Variants in C10orf90 observed in about 807,000 individuals in gnomAD.
C10orf90 encodes (E2-independent) E3 ubiquitin-conjugating enzyme FATS.
A neutral mutation model predicts 62.5 loss-of-function variants in C10orf90; 56 were observed. That is an observed-to-expected ratio of 0.90 (90% CI 0.72 to 1.12). The LOEUF (loss-of-function observed/expected upper bound fraction) is 1.12, where lower values mean the gene tolerates loss of function less well. C10orf90 is among the 50% of genes most tolerant of loss of function. C10orf90 has a pLI of 0.00. For synonymous variants in C10orf90, 386 were observed against 340.4 expected (o/e 1.13, Z -1.47); for missense variants, 970 against 880.4 (o/e 1.10, Z -1.29).
At position 126,547,425 on chromosome 10, in the gene C10orf90, A is replaced by T. The variant is rs574384680; in HGVS notation, c.314-33486T>A. 5.8e-3 allele frequency among the ~76,000 whole-genome samples: 885 copies of T among 151,382 alleles called. 6 individuals are homozygous for T. The highest frequency in any genetic ancestry group is 0.021 in the African/African-American group (852 of 41,224). On this transcript the variant is annotated intron_variant, in intron 2 of 9. Transcript: ENST00000488181. ...CAGAGCAAGACTGTCAAAAAAAAAAAAAATAAAATAAAGAGAAAGAAAGAA... is the reference window on the plus strand; with the variant it reads ...CAGAGCAAGACTGTCAAAAAAAAAATAAATAAAATAAAGAGAAAGAAAGAA...
chr10:126,572,284 G>A (rs192837359), intron 2 of C10orf90, among the ~76,000 whole-genome samples: 6 of 152,244 alleles, frequency 3.9e-5, no homozygotes, highest in African/African-American at 7.2e-5. Flanking sequence ...TACAGGAAAC[G>A]GGTCCTGATC....
chr10:126,471,996 G>A lies in C10orf90; in HGVS notation c.1535-7010C>T, dbSNP rs114408450. Among the ~76,000 whole-genome samples, 561 of 152,184 alleles carry A rather than the reference G, an allele frequency of 3.7e-3. 5 individuals are homozygous for A. Among genetic ancestry groups the A allele is most frequent in the African/African-American group, 0.013 (526 of 41,524 alleles). On this transcript the variant is annotated intron_variant, in intron 4 of 9. Transcript: ENST00000488181. ...AACAAGATTACTTCGACTACATTGCGAACATGATCAACAGAAACAAGTTTC... is the reference window on the plus strand; with the variant it reads ...AACAAGATTACTTCGACTACATTGCAAACATGATCAACAGAAACAAGTTTC...
chr10:126,471,942 C>G (rs75117984), intron 4 of C10orf90, among the ~76,000 whole-genome samples: 1 of 151,752 alleles, frequency 6.6e-6, no homozygotes, highest in Admixed American at 6.6e-5. Context: ...CACACACACA[C>G]GTGCACACAC....
intron 8 of C10orf90, among the ~76,000 whole-genome samples, chr10:126,429,319 C>T (rs896098499): frequency 3.3e-5 from 5 of 152,152 alleles, no homozygotes; most frequent in Admixed American, 1.3e-4. Flanking sequence ...ACCTAGCTCA[C>T]GGCCCCACTG....
At chr10:126,612,288 T>C (rs1010344114) in intron 2 of C10orf90, among the ~76,000 whole-genome samples, 1 of 152,022 alleles carries the variant, frequency 6.6e-6, no homozygotes. Context: ...ACCACCACAC[T>C]CCAGCCTGGG....
At chr10:126,455,105 C>T (rs1007233969) in intron 7 of C10orf90, among the ~76,000 whole-genome samples, 1 of 152,110 alleles carries the variant, frequency 6.6e-6, no homozygotes, top group Non-Finnish European at 1.5e-5. Flanking sequence ...TGCCCAGGCC[C>T]CACCCTCATC....
chr10:126,610,276 T>A (rs944083071), intron 2 of C10orf90, among the ~76,000 whole-genome samples: 31 of 152,294 alleles, frequency 2.0e-4, no homozygotes, highest in Admixed American at 3.9e-4. Context: ...GTGGGCCCTT[T>A]ATGGGCTGGC....
rs1859790339 is a variant in C10orf90 at position 126,459,234 on chromosome 10, A to C, written c.2011-17T>G. 6.2e-7 allele frequency: 1 copy of C among 1,612,690 alleles called. No homozygotes were observed. The highest frequency in any genetic ancestry group is 8.5e-7 in the Non-Finnish European group (1 of 1,180,008). On this transcript the variant is annotated splice_polypyrimidine_tract_variant and intron_variant, in intron 6 of 9. Transcript: ENST00000488181. ...CAGTGCTTCCTATGCAAAGCAAAGA[A>C]AATACGTCATTTTTAAGAGCAGTGA...
chr10:126,648,070 C>G (rs779590812), intron 1 of C10orf90, among the ~76,000 whole-genome samples: 22 of 152,152 alleles, frequency 1.4e-4, no homozygotes, highest in Non-Finnish European at 2.8e-4. Flanking sequence ...GTGTTTAAGT[C>G]ATGAGGACTC....
intron 2 of C10orf90, among the ~76,000 whole-genome samples, chr10:126,546,919 G>T (rs906926097): frequency 6.6e-6 from 1 of 152,140 alleles, no homozygotes; most frequent in Non-Finnish European, 1.5e-5. Context: ...AACGTCAGGA[G>T]TTCCAGTCCA....
intron 4 of C10orf90, among the ~76,000 whole-genome samples, chr10:126,492,924 T>C (rs553781902): frequency 6.6e-6 from 1 of 152,304 alleles, no homozygotes; most frequent in Admixed American, 6.5e-5. Flanking sequence ...CATAAAATGC[T>C]CACATTTTTC....
At chr10:126,469,394 A>G (rs1223039994) in intron 4 of C10orf90, among the ~76,000 whole-genome samples, 2 of 152,044 alleles carry the variant, frequency 1.3e-5, no homozygotes, top group African/African-American at 4.8e-5. Flanking sequence ...ACTTCAACCA[A>G]CCACTCAACC....
chr10:126,605,998 CA>C (rs1219705665), intron 2 of C10orf90, among the ~76,000 whole-genome samples: 1 of 152,052 alleles, frequency 6.6e-6, no homozygotes, highest in East Asian at 1.9e-4. Context: ...TGAAGGAGAC[CA>C]CTTTTGAGAT....
rs540251388 is a variant in C10orf90 at position 126,437,379 on chromosome 10, A to AT, written c.2189-7530dup. Among the ~76,000 whole-genome samples the AT allele has an allele frequency of 6.7e-3, 1,020 of 152,304 alleles. 4 individuals carry two copies. The highest frequency in any genetic ancestry group is 0.011 in the Non-Finnish European group (763 of 68,036). On this transcript the variant is annotated intron_variant, in intron 7 of 9. Coordinates refer to ENST00000488181, the MANE Select transcript of C10orf90 (RefSeq NM_001350921.2). ...TTACAAATGCAAATACTCAGTTCCTATACCAGGTCATCGAAATCAGAAATT... is the reference window on the plus strand; with the variant it reads ...TTACAAATGCAAATACTCAGTTCCTATTACCAGGTCATCGAAATCAGAAATT...
At chr10:126,668,088 C>T (rs1469023822) in intron 1 of C10orf90, among the ~76,000 whole-genome samples, 1 of 152,110 alleles carries the variant, frequency 6.6e-6, no homozygotes, top group Non-Finnish European at 1.5e-5. Flanking sequence ...ATTAAGACAG[C>T]TCAGGACTAA....
At chr10:126,553,251 A>G (rs1461131531) in intron 2 of C10orf90, among the ~76,000 whole-genome samples, 1 of 152,218 alleles carries the variant, frequency 6.6e-6, no homozygotes, top group Non-Finnish European at 1.5e-5. Context: ...AAGGATATTT[A>G]CAATACGTAT....
rs111301697 is a variant in C10orf90, at chr10:126,557,287, C to T, written c.314-43348G>A. Among the ~76,000 whole-genome samples the T allele has an allele frequency of 2.2e-4, 34 of 152,082 alleles. 1 individual carries two copies. Among genetic ancestry groups the T allele is most frequent in the African/African-American group, 7.7e-4 (32 of 41,498 alleles). Reference sequence around the variant, plus strand: ...ACGAGGTTGGGAGATTGAGACCATCCTGGCTAACACGGTGAAATCCCGTCT... The same window carrying T: ...ACGAGGTTGGGAGATTGAGACCATCTTGGCTAACACGGTGAAATCCCGTCT... On this transcript the variant is annotated intron_variant, in intron 2 of 9. Coordinates refer to ENST00000488181, the MANE Select transcript of C10orf90 (RefSeq NM_001350921.2).
intron 5 of C10orf90, among the ~76,000 whole-genome samples, chr10:126,463,002 G>A (rs548236935): frequency 2.6e-5 from 4 of 152,070 alleles, no homozygotes; most frequent in Admixed American, 6.6e-5. Context: ...GGAAAAGAGC[G>A]ACTACTCTGC....
chr10:126,526,825 G>A (rs944645976), intron 2 of C10orf90, among the ~76,000 whole-genome samples: 1 of 152,086 alleles, frequency 6.6e-6, no homozygotes, highest in Non-Finnish European at 1.5e-5. Context: ...TAATATGTGG[G>A]CTTTTGTTTC....
Sources: gnomAD v4.1 joint callset for allele counts (sites outside exome capture counted in the v4.1 genomes callset) on GRCh38, gnomAD v4.1.1 for gene constraint, MANE v1.5 for transcripts, NCBI Gene and HGNC (gene_info 2026-07-23, HGNC 2026-07-21) for gene names.